NPHP1: variants seen among roughly 807,000 people sequenced by gnomAD.
The protein encoded by NPHP1 is nephrocystin-1.
Under a neutral mutation model 90.4 loss-of-function variants are expected in NPHP1, and 70 were observed. The observed-to-expected ratio is 0.77, with a 90% CI of 0.64 to 0.95. NPHP1 has a LOEUF of 0.95. NPHP1 is among the 40% of genes least tolerant of loss of function. The pLI, the probability that NPHP1 is intolerant of heterozygous loss-of-function variation, is 0.00. For synonymous variants in NPHP1, 256 were observed against 271.7 expected (o/e 0.94, Z 0.57); for missense variants, 764 against 795.9 (o/e 0.96, Z 0.48).
At chr2:110,133,380 C>T (rs1173105551) in intron 16 of NPHP1, among the ~76,000 whole-genome samples, 1 of 152,090 alleles carries the variant, frequency 6.6e-6, no homozygotes, top group Non-Finnish European at 1.5e-5. Context: ...ATGCACCAAA[C>T]ATCAGTGCTC....
At chr2:110,192,455 G>GA (rs1463996437) in intron 2 of NPHP1, among the ~76,000 whole-genome samples, 4 of 152,058 alleles carry the variant, frequency 2.6e-5, no homozygotes, top group Non-Finnish European at 5.9e-5. Context: ...GAAGTTTAGA[G>GA]AAAAAAGAAT....
At chr2:110,132,582 C>T (rs562071704) in intron 16 of NPHP1, among the ~76,000 whole-genome samples, 135 of 152,158 alleles carry the variant, frequency 8.9e-4, no homozygotes, top group Middle Eastern at 3.4e-3. Flanking sequence ...TGAGCCTGGG[C>T]GGTGGATGTT....
intron 17 of NPHP1, among the ~76,000 whole-genome samples, chr2:110,129,614 C>T (rs1679635878): frequency 1.3e-5 from 2 of 152,148 alleles, no homozygotes; most frequent in Non-Finnish European, 1.5e-5. Context: ...GGTAGCCCTG[C>T]TCTTGGGAGA....
intron 19 of NPHP1, chr2:110,125,172 G>T: frequency 6.6e-7 from 1 of 1,523,316 alleles, no homozygotes; most frequent in South Asian, 1.2e-5. Flanking sequence ...GATGAGAGCA[G>T]TCAAACCACG....
intron 14 of NPHP1, among the ~76,000 whole-genome samples, chr2:110,145,712 TA>T (rs1205815049): frequency 6.6e-6 from 1 of 152,152 alleles, no homozygotes; most frequent in Non-Finnish European, 1.5e-5. Context: ...CTACCTCATT[TA>T]AAAAAATAGC....
chr2:110,154,190 T>C (rs748704846), intron 11 of NPHP1, among the ~76,000 whole-genome samples: 12 of 152,070 alleles, frequency 7.9e-5, no homozygotes, highest in Non-Finnish European at 1.5e-4. Context: ...ATTTTAAAAA[T>C]GGGAGTTTTC....
At chr2:110,164,367 G>T in intron 8 of NPHP1, 1 of 635,578 alleles carries the variant, frequency 1.6e-6, no homozygotes. Flanking sequence ...AGGCTTTCAG[G>T]ATTTTTCGAA....
At chr2:110,164,955 C>A (rs1230799592) in intron 7 of NPHP1, 97 bp downstream of exon 7, 3 of 1,021,468 alleles carry the variant, frequency 2.9e-6, no homozygotes, top group Non-Finnish European at 4.5e-6. Flanking sequence ...TACAAGTTGT[C>A]TCCATTTCAA....
At chr2:110,164,816 C>A in intron 7 of NPHP1, 86 bp from the exon 8 acceptor site, 1 of 1,194,262 alleles carries the variant, frequency 8.4e-7, no homozygotes, top group Non-Finnish European at 1.3e-6. Context: ...AGTTGATAAT[C>A]ATCAGTAAGT....
intron 16 of NPHP1, among the ~76,000 whole-genome samples, chr2:110,140,478 G>A (rs900187188): frequency 1.3e-5 from 2 of 152,134 alleles, no homozygotes; most frequent in Admixed American, 6.6e-5. Context: ...GGGCTGCCTT[G>A]CTAACTTCTG....
At chr2:110,125,600 G>T in intron 19 of NPHP1, 37 bp downstream of exon 19, 1 of 1,569,430 alleles carries the variant, frequency 6.4e-7, no homozygotes, top group Non-Finnish European at 8.8e-7. Flanking sequence ...ACCAGGTACT[G>T]CAAATATGGA....
chr2:110,184,669 T>A (rs1684156215), intron 2 of NPHP1: 2 of 756,222 alleles, frequency 2.6e-6, no homozygotes. Context: ...GGCTATGATT[T>A]CCACTCATCG....
At chr2:110,132,757 A>G (rs192675690) in intron 16 of NPHP1, among the ~76,000 whole-genome samples, 1 of 152,332 alleles carries the variant, frequency 6.6e-6, no homozygotes, top group East Asian at 1.9e-4. Flanking sequence ...CATCGAAGTT[A>G]AATTGGTATC....
At chr2:110,148,812 T>C (rs958034725) in intron 12 of NPHP1, among the ~76,000 whole-genome samples, 1 of 152,208 alleles carries the variant, frequency 6.6e-6, no homozygotes, top group African/African-American at 2.4e-5. Flanking sequence ...ACTTTCCTAA[T>C]GTGTGCCTTG....
In NPHP1 at chr2:110,192,853, C is replaced by G. The variant is rs191497335; in HGVS notation, c.143+8568G>C. On this transcript the variant is annotated intron_variant, in intron 2 of 19. Transcript: ENST00000445609. ...CCAGAAGAGAATGGCGGCCAATATT[C>G]AACTTCTTAAAGAAAAGAATTTTCA... Among the ~76,000 whole-genome samples the G allele has an allele frequency of 1.1e-3, 163 of 152,238 alleles. 1 individual carries two copies. Among genetic ancestry groups the G allele is most frequent in the Admixed American group, 1.8e-3 (28 of 15,292 alleles).
chr2:110,163,402 T>C (rs1682489379), intron 8 of NPHP1: 1 of 456,596 alleles, frequency 2.2e-6, no homozygotes, highest in Non-Finnish European at 4.0e-6. Flanking sequence ...CTTATCAAAA[T>C]GTCCCTGCTC....
intron 16 of NPHP1, among the ~76,000 whole-genome samples, chr2:110,134,850 A>G (rs1680048714): frequency 6.6e-6 from 1 of 152,166 alleles, no homozygotes; most frequent in African/African-American, 2.4e-5. Flanking sequence ...TAAAGGCCAT[A>G]TATGAAAAGC....
intron 8 of NPHP1, chr2:110,164,320 A>C: frequency 1.7e-6 from 1 of 588,024 alleles, no homozygotes; most frequent in Non-Finnish European, 3.0e-6. Context: ...TACCAGTGTG[A>C]ATCACCATGC....
intron 4 of NPHP1, among the ~76,000 whole-genome samples, chr2:110,172,962 C>CTTTTTTTTTT (rs559012343): frequency 7.3e-6 from 1 of 136,094 alleles, no homozygotes; most frequent in Non-Finnish European, 1.6e-5. Flanking sequence ...TTTTCTTTTT[C>CTTTTTTTTTT]TTTTTTTTTT....
Sources: gnomAD v4.1 joint callset for allele counts (sites outside exome capture counted in the v4.1 genomes callset) on GRCh38, gnomAD v4.1.1 for gene constraint, MANE v1.5 for transcripts, NCBI Gene and HGNC (gene_info 2026-07-23, HGNC 2026-07-21) for gene names.